ADGRL2: variants seen among roughly 807,000 people sequenced by gnomAD.
The protein encoded by ADGRL2 is adhesion G protein-coupled receptor L2, also known as calcium-independent alpha-latrotoxin receptor 2.
ADGRL2 carries 44 observed loss-of-function variants against 157.4 expected under a neutral mutation model. The ratio of observed to expected loss-of-function variants is 0.28; its 90% confidence interval spans 0.22 to 0.36. The LOEUF (loss-of-function observed/expected upper bound fraction) is 0.36. Among genes scored for constraint, ADGRL2 ranks in the 10% least tolerant of loss-of-function variants. ADGRL2 has a pLI of 1.00. For missense variants in ADGRL2, 1,510 were observed against 1,768.9 expected (o/e 0.85, Z 2.63); for synonymous variants, 585 against 624.7 (o/e 0.94, Z 0.95).
intron 1 of ADGRL2, among the ~76,000 whole-genome samples, chr1:81,811,047 G>A (rs1422233038): frequency 6.6e-6 from 1 of 151,728 alleles, no homozygotes; most frequent in Non-Finnish European, 1.5e-5. Flanking sequence ...AGCCTGCACG[G>A]AAATGACTTT....
chr1:81,460,672 G>A lies in ADGRL2; in HGVS notation c.-248+15583G>A, dbSNP rs556502729. Reference sequence around the variant, plus strand: ...TCCCCATTGACTGGATGTGCTCCTTGGAGTTTGAAGAGCCACCCCTTTTAC... The same window carrying A: ...TCCCCATTGACTGGATGTGCTCCTTAGAGTTTGAAGAGCCACCCCTTTTAC... On this transcript the variant is annotated intron_variant, in intron 2 of 24. Coordinates refer to the ADGRL2 transcript ENST00000370721. Among the ~76,000 whole-genome samples the A allele has an allele frequency of 2.0e-5, 3 of 152,232 alleles. No homozygotes were observed. In the East Asian group the frequency reaches 5.8e-4, roughly 29 times the overall value.
intron 3 of ADGRL2, among the ~76,000 whole-genome samples, chr1:81,599,003 A>G (rs538997984): frequency 2.2e-4 from 34 of 152,304 alleles, no homozygotes; most frequent in Admixed American, 6.5e-4. Context: ...CATTGTATAT[A>G]TAGGGTAGCA....
At chr1:81,581,876 A>G (rs7550561) in intron 3 of ADGRL2, among the ~76,000 whole-genome samples, 147 of 46,140 alleles carry the variant, frequency 3.2e-3, no homozygotes, top group African/African-American at 0.014. Context: ...ACATGCGCGC[A>G]CACACACACA....
chr1:81,537,272 C>CTT (rs1023209073), intron 2 of ADGRL2, among the ~76,000 whole-genome samples: 1 of 151,762 alleles, frequency 6.6e-6, no homozygotes, highest in Non-Finnish European at 1.5e-5. Flanking sequence ...ATGACTATTT[C>CTT]TTTTTTTTGT....
At chr1:81,878,132 C>G (rs1571865272) in intron 2 of ADGRL2, among the ~76,000 whole-genome samples, 1 of 152,224 alleles carries the variant, frequency 6.6e-6, no homozygotes. Flanking sequence ...CCAAGAGATT[C>G]AGGGAAGCCA....
At chr1:81,781,501 C>A (rs2086811031) in intron 2 of ADGRL2, among the ~76,000 whole-genome samples, 1 of 152,100 alleles carries the variant, frequency 6.6e-6, no homozygotes, top group Non-Finnish European at 1.5e-5. Context: ...AAAGGAGTTT[C>A]AAAAATGCAG....
chr1:81,749,096 T>C (rs1299572239), intron 1 of ADGRL2, among the ~76,000 whole-genome samples: 1 of 152,130 alleles, frequency 6.6e-6, no homozygotes, highest in Non-Finnish European at 1.5e-5. Flanking sequence ...ACATGGAAAA[T>C]CCAATAAATA....
chr1:81,857,543 C>T (rs780422895), intron 2 of ADGRL2, among the ~76,000 whole-genome samples: 4 of 152,108 alleles, frequency 2.6e-5, no homozygotes, highest in Non-Finnish European at 2.9e-5. Flanking sequence ...TTTGGCATTG[C>T]GTAGTCACCT....
intron 3 of ADGRL2, among the ~76,000 whole-genome samples, chr1:81,928,717 G>T (rs1291861116): frequency 6.6e-6 from 1 of 152,034 alleles, no homozygotes; most frequent in African/African-American, 2.4e-5. Flanking sequence ...TATTCTGTTT[G>T]TTTAGCATAT....
At chr1:81,535,591 A>AATT (rs1274601136) in intron 2 of ADGRL2, among the ~76,000 whole-genome samples, 1 of 152,194 alleles carries the variant, frequency 6.6e-6, no homozygotes, top group Non-Finnish European at 1.5e-5. Context: ...CATTGGAAGA[A>AATT]TAATAAGAGG....
At chr1:81,727,379 A>G (rs528105562) in intron 1 of ADGRL2, among the ~76,000 whole-genome samples, 1 of 152,322 alleles carries the variant, frequency 6.6e-6, no homozygotes, top group Non-Finnish European at 1.5e-5. Context: ...GTATATGTAT[A>G]TTAGTACTTA....
At chr1:81,852,025 T>G (rs184205049) in intron 2 of ADGRL2, among the ~76,000 whole-genome samples, 1 of 152,024 alleles carries the variant, frequency 6.6e-6, no homozygotes, top group African/African-American at 2.4e-5. Context: ...TAGCTTCAAG[T>G]ACTTGGTAAC....
chr1:81,786,516 C>T (rs1343974943), intron 2 of ADGRL2, among the ~76,000 whole-genome samples: 1 of 152,160 alleles, frequency 6.6e-6, no homozygotes, highest in East Asian at 1.9e-4. Flanking sequence ...GCAGAGGTTG[C>T]AGTGAGCCAA....
intron 1 of ADGRL2, among the ~76,000 whole-genome samples, chr1:81,353,926 G>A (rs943313887): frequency 2.0e-5 from 3 of 152,156 alleles, no homozygotes; most frequent in Middle Eastern, 3.2e-3. Context: ...GAAAGGCTCA[G>A]GCATGAATCT....
intron 1 of ADGRL2, among the ~76,000 whole-genome samples, chr1:81,336,183 C>T (rs1223205057): frequency 6.6e-6 from 1 of 152,188 alleles, no homozygotes; most frequent in African/African-American, 2.4e-5. Flanking sequence ...AGATATGTTT[C>T]ACCTCCCTTC....
chr1:81,407,925 A>C (rs1301179233), intron 1 of ADGRL2, among the ~76,000 whole-genome samples: 1 of 152,208 alleles, frequency 6.6e-6, no homozygotes, highest in Non-Finnish European at 1.5e-5. Context: ...TAGCACAGCA[A>C]GCAGAAATGT....
intron 2 of ADGRL2, among the ~76,000 whole-genome samples, chr1:81,862,844 C>G (rs1161237130): frequency 6.6e-6 from 1 of 152,016 alleles, no homozygotes; most frequent in African/African-American, 2.4e-5. Context: ...TGATTCCTAC[C>G]CCATTCACAC....
chr1:81,316,304 T>G (rs1660106824), intron 1 of ADGRL2, among the ~76,000 whole-genome samples: 1 of 152,174 alleles, frequency 6.6e-6, no homozygotes, highest in Admixed American at 6.5e-5. Flanking sequence ...CAATTTTACA[T>G]TATTTTAATT....
chr1:81,701,711 T>C (rs2083579837), intron 1 of ADGRL2, among the ~76,000 whole-genome samples: 1 of 152,218 alleles, frequency 6.6e-6, no homozygotes, highest in South Asian at 2.1e-4. Context: ...ATGCTGTCTG[T>C]TTTCTTGCCA....
Sources: allele counts gnomAD v4.1 joint callset (sites outside exome capture counted in the v4.1 genomes callset), GRCh38; gene constraint gnomAD v4.1.1; transcripts MANE v1.5; gene names NCBI Gene and HGNC (gene_info 2026-07-23, HGNC 2026-07-21).